Variants in ELF2 observed in about 807,000 individuals in gnomAD.
ELF2 encodes the protein ETS-related transcription factor Elf-2.
ELF2 carries 11 observed loss-of-function variants against 54.8 expected under a neutral mutation model. The observed-to-expected ratio is 0.20, with a 90% CI of 0.13 to 0.33. ELF2 has a LOEUF of 0.33. Among genes scored for constraint, ELF2 ranks in the 10% least tolerant of loss-of-function variants. ELF2 has a pLI of 1.00. For synonymous variants in ELF2, 203 were observed against 245.1 expected, an observed-to-expected ratio of 0.83 and a Z score of 1.61; for missense variants, 513 against 703.0, an observed-to-expected ratio of 0.73 and a Z score of 3.06.
At chr4:139,119,441 G>A (rs542262893) in intron 4 of ELF2, among the ~76,000 whole-genome samples, 10 of 152,264 alleles carry the variant, frequency 6.6e-5, no homozygotes, top group East Asian at 5.8e-4. Flanking sequence ...GGTCAATGGC[G>A]TACCTTAGCA....
intron 1 of ELF2, among the ~76,000 whole-genome samples, chr4:139,148,597 T>A (rs1461137477): frequency 6.6e-6 from 1 of 152,132 alleles, no homozygotes; most frequent in African/African-American, 2.4e-5. Context: ...AATATCCTAT[T>A]GTATAGACAT....
intron 3 of ELF2, among the ~76,000 whole-genome samples, chr4:139,129,200 A>G (rs1428735018): frequency 6.6e-6 from 1 of 152,086 alleles, no homozygotes; most frequent in African/African-American, 2.4e-5. Flanking sequence ...AGCCTCCCAA[A>G]GTGCTGGGAT....
chr4:139,159,999 G>C (rs1315549789), intron 1 of ELF2, among the ~76,000 whole-genome samples: 2 of 152,200 alleles, frequency 1.3e-5, no homozygotes, highest in Admixed American at 1.3e-4. Flanking sequence ...GGTAGTGGAG[G>C]GGGGCGGAGC....
At chr4:139,084,422 G>C (rs1337325228) in intron 4 of ELF2, 2 of 1,281,436 alleles carry the variant, frequency 1.6e-6, no homozygotes, top group Non-Finnish European at 2.0e-6. Flanking sequence ...GGCAGGGGCA[G>C]GGGCGGCAGG....
chr4:139,101,234 C>T (rs527561003), intron 4 of ELF2, among the ~76,000 whole-genome samples: 1 of 152,124 alleles, frequency 6.6e-6, no homozygotes, highest in African/African-American at 2.4e-5. Context: ...ATTTTCCCCA[C>T]AAATGAGTGA....
chr4:139,102,017 C>G (rs907528419), intron 4 of ELF2: 2 of 150,990 alleles, frequency 1.3e-5, no homozygotes, highest in African/African-American at 2.4e-5. Flanking sequence ...CAAGTTTATT[C>G]AAGAAAGTAA....
intron 3 of ELF2, among the ~76,000 whole-genome samples, chr4:139,129,586 CT>C (rs1447146082): frequency 2.6e-5 from 4 of 152,140 alleles, no homozygotes; most frequent in African/African-American, 9.7e-5. Flanking sequence ...TTCTTTAAAT[CT>C]TGGTTTCTTC....
In ELF2 at chr4:139,090,646, G is replaced by A. The variant is rs538921709; in HGVS notation, c.239-17079C>T. 1.2e-3 allele frequency among the ~76,000 whole-genome samples: 180 copies of A among 152,298 alleles called. 2 individuals carry two copies. The Middle Eastern group carries it at 0.024, about 20-fold the overall frequency. On this transcript the variant is annotated intron_variant, in intron 4 of 9. Transcript: ENST00000686138. ...GTCTGGCTCTGTCATCCATGCGGGA[G>A]TATAGTGGTATCATCTTGGCTCAAT...
chr4:139,176,087 T>G (rs1315902679), intron 1 of ELF2, among the ~76,000 whole-genome samples: 1 of 152,214 alleles, frequency 6.6e-6, no homozygotes, highest in African/African-American at 2.4e-5. Context: ...GAGCCCTCCC[T>G]GTCCTCCTTC....
intron 1 of ELF2, among the ~76,000 whole-genome samples, chr4:139,151,043 A>AGGAAAGAAAGGAAG (rs776022989): frequency 1.4e-5 from 1 of 73,676 alleles, no homozygotes; most frequent in Non-Finnish European, 3.0e-5. Flanking sequence ...AAAGAAAGAA[A>AGGAAAGAAAGGAAG]GAAAGAAAGA....
chr4:139,166,796 A>T (rs777615983), intron 1 of ELF2, among the ~76,000 whole-genome samples: 9 of 152,326 alleles, frequency 5.9e-5, no homozygotes, highest in Non-Finnish European at 1.0e-4. Flanking sequence ...TGAACCCAGG[A>T]GGCAGAGCTT....
chr4:139,067,871 A>T, intron 6 of ELF2, 101 bp from the exon 7 acceptor site: 1 of 1,130,150 alleles, frequency 8.8e-7, no homozygotes, highest in African/African-American at 1.6e-5. Context: ...TTAAATGGAT[A>T]CTAATTTGTA....
chr4:139,077,052 T>G (rs927756777), intron 4 of ELF2, among the ~76,000 whole-genome samples: 2 of 152,192 alleles, frequency 1.3e-5, no homozygotes, highest in African/African-American at 4.8e-5. Context: ...TGCTGACATT[T>G]ACCATGTGCC....
intron 4 of ELF2, among the ~76,000 whole-genome samples, chr4:139,113,170 C>T (rs1044961052): frequency 5.9e-5 from 9 of 151,860 alleles, no homozygotes; most frequent in African/African-American, 2.2e-4. Context: ...CCAGCCTGGG[C>T]AACATACTGA....
chr4:139,095,115 A>G (rs937745578), intron 4 of ELF2, among the ~76,000 whole-genome samples: 1 of 151,810 alleles, frequency 6.6e-6, no homozygotes, highest in Non-Finnish European at 1.5e-5. Flanking sequence ...AGGACCTCCA[A>G]TAATAATTCT....
At chr4:139,155,520 GGATCAC>G (rs1301612543) in intron 1 of ELF2, 1 of 152,126 alleles carries the variant, frequency 6.6e-6, no homozygotes, top group Non-Finnish European at 1.5e-5. Flanking sequence ...CAAGGCAAGA[GGATCAC>G]TTGAGTCCAG....
chr4:139,084,369 G>T, intron 4 of ELF2: 5 of 1,473,202 alleles, frequency 3.4e-6, no homozygotes, highest in Non-Finnish European at 4.5e-6. Context: ...AGCCGAGGCC[G>T]GCCCGCCTCC....
chr4:139,084,438 GGGCGGCGGCGGC>G lies in ELF2; in HGVS notation c.239-10883_239-10872del, dbSNP rs34769754. ...GCAGGGGCAGGGGCGGCAGGGGCAG[GGGCGGCGGCGGC>G]GGCGGCGGCGGCTGTGGCTGTGGCG... is the stretch of plus-strand genomic sequence containing the variant. On this transcript the variant is annotated intron_variant, in intron 4 of 9. Transcript: ENST00000686138. The G allele has an allele frequency of 4.3e-4, 477 of 1,118,140 alleles. 3 individuals carry two copies. Among genetic ancestry groups the G allele is most frequent in the African/African-American group, 4.8e-4 (29 of 60,932 alleles). The allele number at this position is 1,118,140 out of a possible 1,614,324, so 69.3% of individuals were successfully genotyped here. A position where few individuals can be genotyped will look rare whatever the true frequency, so the allele number is the denominator to read the frequency against.
intron 4 of ELF2, among the ~76,000 whole-genome samples, chr4:139,118,214 T>C (rs1239656053): frequency 6.6e-6 from 1 of 152,064 alleles, no homozygotes; most frequent in Non-Finnish European, 1.5e-5. Flanking sequence ...AATAGGAGTA[T>C]ATACAACAAA....
Sources: gnomAD v4.1 joint callset for allele counts (sites outside exome capture counted in the v4.1 genomes callset) on GRCh38, gnomAD v4.1.1 for gene constraint, MANE v1.5 for transcripts, NCBI Gene and HGNC (gene_info 2026-07-23, HGNC 2026-07-21) for gene names.